Variants in TTC21A observed in about 807,000 individuals in gnomAD.
TTC21A encodes the protein tetratricopeptide repeat protein 21A.
In TTC21A, 128 loss-of-function variants were observed where a neutral mutation model predicts 156.4. That is an observed-to-expected ratio of 0.82 (90% CI 0.71 to 0.95). TTC21A has a LOEUF of 0.95. TTC21A is among the 40% of genes least tolerant of loss of function. The probability of loss-of-function intolerance (pLI) is 0.00; values close to 1 mark genes in which losing one functional copy is unlikely to be tolerated. For synonymous variants in TTC21A, 587 were observed against 617.1 expected (o/e 0.95, Z 0.72); for missense variants, 1,435 against 1,602.3 (o/e 0.90, Z 1.78).
In TTC21A at chr3:39,134,155, G is replaced by C. The variant is rs2038938355; in HGVS notation, c.2752-63G>C. 1 of 1,064,284 alleles carries C rather than the reference G, an allele frequency of 9.4e-7. No homozygotes were observed. Among genetic ancestry groups the C allele is most frequent in the South Asian group, 1.3e-5 (1 of 78,598 alleles). The allele number at this position is 1,064,284 out of a possible 1,614,324, so 65.9% of individuals were successfully genotyped here. A position where few individuals can be genotyped will look rare whatever the true frequency, so the allele number is the denominator to read the frequency against. On this transcript the variant is annotated intron_variant, in intron 20 of 28. Coordinates refer to ENST00000683103, the MANE Select transcript of TTC21A (RefSeq NM_001366900.1). This position sits in a 1 kb window ranked among gnomAD's most constrained non-coding sequence, Gnocchi z 4.6. ...GGGTGTGAGGGAAAGAGCTGTCAAG[G>C]ATAACCCCAGGGGTTTCCCATGGTG...
In TTC21A at chr3:39,129,122, A is replaced by G. The variant is rs1250612912; in HGVS notation, c.1947A>G (p.Thr649=). 4.3e-6 allele frequency: 7 copies of G among 1,614,140 alleles called. No homozygotes were observed. Among genetic ancestry groups the G allele is most frequent in the Non-Finnish European group, 5.9e-6 (7 of 1,180,052 alleles). Residue 649 remains threonine, a synonymous_variant, in exon 15 of 29, where the codon ACA becomes ACG. Coordinates refer to ENST00000683103, the MANE Select transcript of TTC21A (RefSeq NM_001366900.1). ...ACACCATCAATGAGTTCGGTGGCAC[A>G]CCAGAAGAGAACCGCATCACCATTG... The part of the protein sequence containing the change: ...MQDTINEFGG[T]PEENRITIAN...
Position 39,138,835 on chromosome 3 carries a change from G to GGC in TTC21A, c.*47_*48insGC. The GGC allele has an allele frequency of 4.6e-6, 7 of 1,528,964 alleles. No individual in the cohort carries two copies. Among genetic ancestry groups the GGC allele is most frequent in the Non-Finnish European group, 6.3e-6 (7 of 1,108,100 alleles). The allele number at this position is 1,528,964 out of a possible 1,614,324, so 94.7% of individuals were successfully genotyped here. On this transcript the variant is annotated 3_prime_UTR_variant, in exon 29 of 29. Transcript: ENST00000683103. ...CAGTAGAAGCCATCAACCTACTGAA[G>GGC]TTGTGTGGAGGGATGGAAAGTGGGT...
chr3:39,117,370 C>T (rs2037381126), intron 6 of TTC21A, among the ~76,000 whole-genome samples: 1 of 152,158 alleles, frequency 6.6e-6, no homozygotes, highest in Non-Finnish European at 1.5e-5. Flanking sequence ...GAAAGTCATT[C>T]CCTGATAGGC....
Position 39,130,266 on chromosome 3 carries a change from G to A in TTC21A, c.2227G>A (p.Val743Ile). The A allele has an allele frequency of 6.2e-7, 1 of 1,613,858 alleles. No homozygotes were observed. Among genetic ancestry groups the A allele is most frequent in the South Asian group, 1.1e-5 (1 of 91,012 alleles). Residue 743 changes from valine (V) to isoleucine (I), a missense_variant, in exon 17 of 29, where the codon GTC becomes ATC. Physicochemically the swap from Val to Ile is conservative, Grantham distance 29 (BLOSUM62 3). Transcript: ENST00000683103. The surrounding 1 kb of genome is among the most constrained non-coding windows in gnomAD (Gnocchi z 4.5). ...SILEPEKALE[V>I]YDEAYRQNPH... ...CCACCAGCCCGAGAAGGCCCTGGAG[G>A]TCTATGATGAGGCCTATAGACAGAA...
rs921211630 is a variant in TTC21A, at chr3:39,125,405, A to G, written c.1265A>G (p.Lys422Arg). 7 of 1,614,034 alleles carry G rather than the reference A, an allele frequency of 4.3e-6. No homozygotes were observed. The highest frequency in any genetic ancestry group is 4.2e-6 in the Non-Finnish European group (5 of 1,179,986). ...KGEEETTALL[K>R]EAVELHFSSM... Reference sequence around the variant, plus strand: ...GAGGAAGAGACCACAGCGCTCCTGAAGGAGGCAGTGGAGCTTCACTTCTCC... The same window carrying G: ...GAGGAAGAGACCACAGCGCTCCTGAGGGAGGCAGTGGAGCTTCACTTCTCC... The change falls in exon 11 of 29, where the codon AAG (lysine) becomes AGG (arginine). Residue 422 changes from lysine (K) to arginine (R), a missense_variant. Lys to Arg is a conservative substitution (Grantham distance 26, BLOSUM62 2). Transcript: ENST00000683103.
In TTC21A at chr3:39,111,953, G is replaced by A. The variant is rs115443899; in HGVS notation, c.436-505G>A. Among the ~76,000 whole-genome samples, 1,309 of 152,272 alleles carry A rather than the reference G, an allele frequency of 8.6e-3. 22 individuals carry two copies. The highest frequency in any genetic ancestry group is 0.03 in the African/African-American group (1,234 of 41,538). On this transcript the variant is annotated intron_variant, in intron 4 of 28. Transcript: ENST00000683103. The stretch of plus-strand genomic sequence containing the variant: ...GTGAAGGCTAACATGGAACCAGCGA[G>A]GTCCACGAGCTCAGAACGGCTCCTG...
rs368304460 is a variant in TTC21A at position 39,119,938 on chromosome 3, G to A, written c.818G>A (p.Arg273Lys). The change falls in exon 8 of 29, where the codon AGA becomes AAA. Residue 273 changes from arginine to lysine, a missense_variant. By Grantham distance (26) the Arg-to-Lys change is conservative (BLOSUM62 2). Coordinates refer to ENST00000683103, the MANE Select transcript of TTC21A (RefSeq NM_001366900.1). The part of the protein sequence containing the change: ...GNMTTATNHV[R>K]NLIKALETRE... ...TCCCTGCAGGCTACCAATCACGTTA[G>A]AAATCTGATTAAGGCACTAGAGACA... 11 of 1,607,046 alleles carry A rather than the reference G, an allele frequency of 6.8e-6. No individual in the cohort carries two copies. In the African/African-American group the frequency reaches 1.4e-4, roughly 20 times the overall value.
chr3:39,125,397 G>T lies in TTC21A; in HGVS notation c.1257G>T (p.Ala419=). ...ACAAGGGGGAGGAAGAGACCACAGC[G>T]CTCCTGAAGGAGGCAGTGGAGCTTC... ...RKHKGEEETT[A]LLKEAVELHF... Residue 419 remains alanine, a synonymous_variant, in exon 11 of 29, where the codon GCG becomes GCT. Transcript: ENST00000683103. 6.2e-7 allele frequency: 1 copy of T among 1,614,070 alleles called. No individual in the cohort carries two copies. Among genetic ancestry groups the T allele is most frequent in the Admixed American group, 1.7e-5 (1 of 60,028 alleles).
At chr3:39,138,460 C>A (rs1385762636) in intron 27 of TTC21A, 73 bp downstream of exon 27, 5 of 1,613,322 alleles carry the variant, frequency 3.1e-6, no homozygotes, top group Non-Finnish European at 3.4e-6. Flanking sequence ...CACCATGACC[C>A]CAGAACTCAA....
At chr3:39,125,662 G>A (rs2038164043) in intron 11 of TTC21A, 130 bp downstream of exon 11, 3 of 726,368 alleles carry the variant, frequency 4.1e-6, no homozygotes, top group Non-Finnish European at 7.3e-6. Context: ...TGGGCAGCTG[G>A]GGAGCCCAGT....
Position 39,130,852 on chromosome 3 carries a change from T to C in TTC21A, c.2458+13T>C, listed in dbSNP as rs752141158. On this transcript the variant is annotated intron_variant, in intron 18 of 28. Transcript: ENST00000683103. This position sits in a 1 kb window ranked among gnomAD's most constrained non-coding sequence, Gnocchi z 4.5. ...GAACATGACATTGGTGAGGCAGCAT[T>C]GTAACCCATTTCTAGCATTTGGAGC... 1.2e-6 allele frequency: 2 copies of C among 1,614,068 alleles called. No homozygotes were observed. Among genetic ancestry groups the C allele is most frequent in the South Asian group, 2.2e-5 (2 of 91,076 alleles).
At chr3:39,132,832 T>C in intron 19 of TTC21A, 1 of 592,918 alleles carries the variant, frequency 1.7e-6, no homozygotes, top group East Asian at 2.8e-5. Flanking sequence ...GCGTGTTTTG[T>C]TTGAGTCCTT....
chr3:39,130,292 C>T lies in TTC21A; in HGVS notation c.2253C>T (p.Asn751=). ...TCTATGATGAGGCCTATAGACAGAA[C>T]CCACATGACGCCTCCCTGGCCAGCA... ...LEVYDEAYRQ[N]PHDASLASRI... is the part of the protein sequence containing the mutation. Residue 751 remains asparagine (N), a synonymous_variant, in exon 17 of 29, where the codon AAC becomes AAT. Transcript: ENST00000683103. The surrounding 1 kb of genome is among the most constrained non-coding windows in gnomAD (Gnocchi z 4.5). 2 of 1,614,050 alleles carry T rather than the reference C, an allele frequency of 1.2e-6. No homozygotes were observed. Among genetic ancestry groups the T allele is most frequent in the Middle Eastern group, 1.6e-4 (1 of 6,062 alleles).
At position 39,138,364 on chromosome 3, in the gene TTC21A, G is replaced by C. The variant is rs2125877840; in HGVS notation, c.3773G>C (p.Ser1258Thr). 6.2e-7 allele frequency: 1 copy of C among 1,614,082 alleles called. No individual in the cohort carries two copies. The highest frequency in any genetic ancestry group is 8.5e-7 in the Non-Finnish European group (1 of 1,179,982). Reference sequence around the variant, plus strand: ...AACTACAAACTGGCCTGGAAGTACAGTCATCACGCCAACCCTGCCATTGGT... The same window carrying C: ...AACTACAAACTGGCCTGGAAGTACACTCATCACGCCAACCCTGCCATTGGT... ...VTNYKLAWKYSHHANPAIGFK... is the reference protein window; with the variant it reads ...VTNYKLAWKYTHHANPAIGFK... The change falls in exon 27 of 29, where the codon AGT becomes ACT. Residue 1258 changes from serine (S) to threonine (T), a missense_variant. Ser to Thr is a moderately conservative substitution (Grantham distance 58, BLOSUM62 1). Transcript: ENST00000683103.
Position 39,128,357 on chromosome 3 carries a change from C to T in TTC21A, c.1549C>T (p.Leu517=). 1.2e-6 allele frequency: 2 copies of T among 1,614,214 alleles called. No homozygotes were observed. Among genetic ancestry groups the T allele is most frequent in the Non-Finnish European group, 1.7e-6 (2 of 1,180,032 alleles). The change falls in exon 13 of 29, where the codon CTG becomes TTG. Residue 517 remains leucine (L), a synonymous_variant. Coordinates refer to ENST00000683103, the MANE Select transcript of TTC21A (RefSeq NM_001366900.1). ...AGAGCTAGAGAATGCCCAGAGCATC[C>T]TGCAGCGTTGCCTGGAGCTGGACCC... is the stretch of plus-strand genomic sequence containing the variant. ...SGELENAQSI[L]QRCLELDPAS... is the part of the protein sequence containing the mutation.
At position 39,121,139 on chromosome 3, in the gene TTC21A, G is replaced by A. The variant is rs751303690; in HGVS notation, c.1043G>A (p.Trp348Ter). Residue 348 changes from tryptophan (W) to a stop codon, truncating the protein, a stop_gained, in exon 9 of 29, where the codon TGG becomes TAG. Transcript: ENST00000683103. LOFTEE classifies it high-confidence loss of function. Reference protein sequence around the residue: ...LKNQVKEALLWYSEAMKLDKD... With the variant: ...LKNQVKEALL Reference sequence around the variant, plus strand: ...AACCAAGTGAAAGAGGCCTTGCTGTGGTATTCAGAAGCCATGAAACTGGAC... The same window carrying A: ...AACCAAGTGAAAGAGGCCTTGCTGTAGTATTCAGAAGCCATGAAACTGGAC... 6.2e-7 allele frequency: 1 copy of A among 1,614,092 alleles called. No individual in the cohort carries two copies. Among genetic ancestry groups the A allele is most frequent in the Non-Finnish European group, 8.5e-7 (1 of 1,179,976 alleles).
intron 12 of TTC21A, among the ~76,000 whole-genome samples, chr3:39,128,013 G>A (rs999000843): frequency 6.6e-6 from 1 of 152,164 alleles, no homozygotes; most frequent in Non-Finnish European, 1.5e-5. Context: ...TTAGGTGTGG[G>A]AATTGAGACT....
chr3:39,135,072 G>A (rs377022357), intron 21 of TTC21A, 21 bp from the exon 22 acceptor site: 98 of 1,612,182 alleles, frequency 6.1e-5, no homozygotes, highest in African/African-American at 8.0e-5. Flanking sequence ...GAAATCTGGA[G>A]CTTTGTGTGT....
intron 4 of TTC21A, among the ~76,000 whole-genome samples, chr3:39,111,278 T>G (rs1355224344): frequency 1.3e-5 from 2 of 152,230 alleles, no homozygotes; most frequent in Admixed American, 6.5e-5. Context: ...AATTTTTTTT[T>G]GAGACCTCAC....
Sources: allele counts gnomAD v4.1 joint callset (sites outside exome capture counted in the v4.1 genomes callset), GRCh38; gene constraint gnomAD v4.1.1; non-coding constraint Gnocchi (gnomAD v3.1); transcripts MANE v1.5; gene names NCBI Gene and HGNC (gene_info 2026-07-23, HGNC 2026-07-21).